The following CFAP61 variants were observed in gnomAD, a reference collection of about 807,000 sequenced individuals.
CFAP61 encodes the protein cilia and flagella associated protein 61.
CFAP61 carries 107 observed loss-of-function variants against 135.6 expected under a neutral mutation model. The ratio of observed to expected loss-of-function variants is 0.79; its 90% CI spans 0.67 to 0.93. The LOEUF (loss-of-function observed/expected upper bound fraction) is 0.93, where lower values mean the gene tolerates loss of function less well. Ranked by LOEUF, CFAP61 falls within the 40% of genes least tolerant of loss-of-function variation. CFAP61 has a pLI of 0.00. For synonymous variants in CFAP61, 575 were observed against 578.5 expected (o/e 0.99, Z 0.09); for missense variants, 1,507 against 1,556.2 (o/e 0.97, Z 0.53).
intron 26 of CFAP61, among the ~76,000 whole-genome samples, chr20:20,357,417 A>C (rs1262102907): frequency 1.8e-4 from 8 of 45,670 alleles, no homozygotes; most frequent in Middle Eastern, 0.022. Flanking sequence ...TCACAGTGTG[A>C]GGGGAGGTGG....
intron 21 of CFAP61, among the ~76,000 whole-genome samples, chr20:20,263,464 G>GA (rs988601033): frequency 4.1e-4 from 53 of 130,852 alleles, no homozygotes; most frequent in African/African-American, 1.5e-3. Flanking sequence ...CAATTATATG[G>GA]AAAATATGTC....
chr20:20,116,215 C>G (rs1422747594), intron 8 of CFAP61, among the ~76,000 whole-genome samples: 1 of 152,012 alleles, frequency 6.6e-6, no homozygotes, highest in Admixed American at 6.6e-5. Context: ...TTTTCATGTA[C>G]CTGTTGTCCA....
chr20:20,298,929 C>T (rs2055855314), intron 25 of CFAP61, among the ~76,000 whole-genome samples: 1 of 152,188 alleles, frequency 6.6e-6, no homozygotes, highest in Non-Finnish European at 1.5e-5. Flanking sequence ...TTAAGACACA[C>T]TTCATCCTAT....
intron 6 of CFAP61, among the ~76,000 whole-genome samples, chr20:20,084,957 C>T (rs1347791245): frequency 6.6e-6 from 1 of 152,150 alleles, no homozygotes; most frequent in Non-Finnish European, 1.5e-5. Context: ...CCTTTTGTTT[C>T]CTCCAGGGAA....
intron 2 of CFAP61, among the ~76,000 whole-genome samples, chr20:20,066,679 G>T (rs548583709): frequency 1.4e-4 from 22 of 152,222 alleles, no homozygotes; most frequent in African/African-American, 5.3e-4. Context: ...GCCTGTCGGG[G>T]TGGGGGCTAG....
chr20:20,079,126 T>G (rs1198727299), intron 6 of CFAP61, among the ~76,000 whole-genome samples: 1 of 152,248 alleles, frequency 6.6e-6, no homozygotes, highest in Non-Finnish European at 1.5e-5. Flanking sequence ...GGGGCCCTCC[T>G]GCCCAGACAT....
At chr20:20,229,220 T>C (rs1037776615) in intron 18 of CFAP61, among the ~76,000 whole-genome samples, 3 of 152,166 alleles carry the variant, frequency 2.0e-5, no homozygotes, top group Non-Finnish European at 4.4e-5. Context: ...ACCTCTTTAA[T>C]AGAAAACACC....
chr20:20,169,435 G>A lies in CFAP61; in HGVS notation c.1360G>A (p.Val454Ile), dbSNP rs1318959020. The change falls in exon 13 of 27, where the codon GTC (valine) becomes ATC (isoleucine). Residue 454 changes from valine to isoleucine, a missense_variant. Val to Ile is a conservative substitution (Grantham distance 29). Coordinates refer to ENST00000245957, the MANE Select transcript of CFAP61 (RefSeq NM_015585.4). The stretch of plus-strand genomic sequence containing the variant: ...CTGCACCCTCGAGCAGGACCTCTAC[G>A]TCTTCCACCGGGCTGGATTGCTCAA... ...NTCTLEQDLYVFHRAGLLKSI... is the reference protein window; with the variant it reads ...NTCTLEQDLYIFHRAGLLKSI... 11 of 1,613,370 alleles carry A rather than the reference G, an allele frequency of 6.8e-6. No homozygotes were observed. The highest frequency in any genetic ancestry group is 4.5e-5 in the East Asian group (2 of 44,866).
intron 6 of CFAP61, among the ~76,000 whole-genome samples, chr20:20,087,529 G>T (rs1292051750): frequency 6.6e-6 from 1 of 152,172 alleles, no homozygotes; most frequent in East Asian, 1.9e-4. Context: ...AGGGTTTTAA[G>T]AAGATTAGTG....
At chr20:20,340,898 G>A (rs749753836) in intron 25 of CFAP61, among the ~76,000 whole-genome samples, 10 of 152,176 alleles carry the variant, frequency 6.6e-5, no homozygotes, top group Non-Finnish European at 1.5e-4. Flanking sequence ...GTGCCAGGCT[G>A]TCCCTAACAC....
intron 25 of CFAP61, among the ~76,000 whole-genome samples, chr20:20,334,128 C>T (rs1259698044): frequency 6.6e-6 from 1 of 151,944 alleles, no homozygotes; most frequent in Admixed American, 6.5e-5. Flanking sequence ...GCAATGTTAA[C>T]TTCTTCTTTT....
At chr20:20,103,048 G>C (rs1351105908) in intron 8 of CFAP61, among the ~76,000 whole-genome samples, 2 of 152,166 alleles carry the variant, frequency 1.3e-5, no homozygotes, top group African/African-American at 2.4e-5. Context: ...GCTGACCATG[G>C]AGAAAGCTGA....
intron 6 of CFAP61, chr20:20,085,509 T>A: frequency 7.3e-7 from 1 of 1,366,612 alleles, no homozygotes. Flanking sequence ...GATGTTTTTC[T>A]ATTTTTCCCA....
At chr20:20,234,193 A>G (rs1171758242) in intron 18 of CFAP61, among the ~76,000 whole-genome samples, 1 of 152,136 alleles carries the variant, frequency 6.6e-6, no homozygotes, top group East Asian at 1.9e-4. Context: ...GATAGCCACA[A>G]AGCCAAAAGA....
intron 11 of CFAP61, among the ~76,000 whole-genome samples, chr20:20,164,857 T>C (rs1219731433): frequency 6.6e-6 from 1 of 152,120 alleles, no homozygotes; most frequent in African/African-American, 2.4e-5. Context: ...CTCACGATCA[T>C]AGGGGAAGAT....
rs146786557 is a variant in CFAP61 at position 20,337,580 on chromosome 20, A to G, written c.3423-4251A>G. On this transcript the variant is annotated intron_variant, in intron 25 of 26. Coordinates refer to ENST00000245957, the MANE Select transcript of CFAP61 (RefSeq NM_015585.4). ...TGGATGGATGGATGGATGGATGGAT[A>G]GATGTGGGTGGATGGATGGATGGAT... 3.1e-3 allele frequency among the ~76,000 whole-genome samples: 8 copies of G among 2,546 alleles called. 1 individual carries two copies. Among genetic ancestry groups the G allele is most frequent in the Non-Finnish European group, 3.3e-3 (1 of 302 alleles). The allele number at this position is 2,546 out of a possible 152,430, so 1.7% of individuals were successfully genotyped here.
At chr20:20,186,683 T>G (rs2055526219) in intron 13 of CFAP61, among the ~76,000 whole-genome samples, 1 of 152,226 alleles carries the variant, frequency 6.6e-6, no homozygotes, top group Non-Finnish European at 1.5e-5. Flanking sequence ...GTTCATCTTT[T>G]TATTAGTTAA....
chr20:20,306,918 T>G (rs2056509145), intron 25 of CFAP61, among the ~76,000 whole-genome samples: 1 of 152,116 alleles, frequency 6.6e-6, no homozygotes, highest in South Asian at 2.1e-4. Context: ...ATGAAACAAA[T>G]CATATAGTGT....
At chr20:20,340,667 C>G (rs547448953) in intron 25 of CFAP61, among the ~76,000 whole-genome samples, 1 of 152,122 alleles carries the variant, frequency 6.6e-6, no homozygotes, top group Non-Finnish European at 1.5e-5. Flanking sequence ...CAGGCGGTTC[C>G]GCCACCAGAC....
Sources: allele counts gnomAD v4.1 joint callset (sites outside exome capture counted in the v4.1 genomes callset), GRCh38; gene constraint gnomAD v4.1.1; transcripts MANE v1.5; gene names NCBI Gene and HGNC (gene_info 2026-07-23, HGNC 2026-07-21).